Variants in SLC16A10 observed in about 807,000 individuals in gnomAD.
SLC16A10 encodes the protein solute carrier family 16 member 10.
SLC16A10 carries 27 observed loss-of-function variants against 40.0 expected under a neutral mutation model. That is an observed-to-expected ratio of 0.67 (90% CI 0.50 to 0.93). The LOEUF is 0.93. Ranked by LOEUF, SLC16A10 falls within the 40% of genes least tolerant of loss-of-function variation. The pLI is 0.00. For synonymous variants in SLC16A10, 213 were observed against 249.8 expected, an observed-to-expected ratio of 0.85 and a Z score of 1.39; for missense variants, 529 against 658.2, an observed-to-expected ratio of 0.80 and a Z score of 2.15.
intron 1 of SLC16A10, among the ~76,000 whole-genome samples, chr6:111,123,622 A>G (rs1337645983): frequency 1.3e-5 from 2 of 152,150 alleles, no homozygotes; most frequent in Non-Finnish European, 2.9e-5. Context: ...AGGTGACAGT[A>G]TCTTTTGTGT....
intron 1 of SLC16A10, among the ~76,000 whole-genome samples, chr6:111,136,021 T>TGGCATAATA (rs1399611528): frequency 8.5e-4 from 129 of 152,348 alleles, no homozygotes; most frequent in African/African-American, 3.0e-3. Flanking sequence ...GAAGGTTCCT[T>TGGCATAATA]GGCATAATAG....
At chr6:111,144,297 G>A (rs1318266085) in intron 1 of SLC16A10, among the ~76,000 whole-genome samples, 6 of 152,208 alleles carry the variant, frequency 3.9e-5, no homozygotes, top group South Asian at 2.1e-4. Context: ...TCTGCCTCCC[G>A]GGTTCACGCC....
At chr6:111,220,416 G>A (rs1346262072) in intron 5 of SLC16A10, among the ~76,000 whole-genome samples, 1 of 152,202 alleles carries the variant, frequency 6.6e-6, no homozygotes, top group African/African-American at 2.4e-5. Context: ...TTGGGTGCCT[G>A]TGTCAATTAG....
chr6:111,182,811 T>C (rs1772825996), intron 3 of SLC16A10, among the ~76,000 whole-genome samples: 1 of 152,156 alleles, frequency 6.6e-6, no homozygotes, highest in Non-Finnish European at 1.5e-5. Flanking sequence ...CATCCTTGGC[T>C]CTTCTTTCTT....
At chr6:111,164,702 C>G (rs1455329847) in intron 1 of SLC16A10, among the ~76,000 whole-genome samples, 1 of 152,030 alleles carries the variant, frequency 6.6e-6, no homozygotes, top group Non-Finnish European at 1.5e-5. Flanking sequence ...GAGGCAGAGG[C>G]AACCAAGATC....
At chr6:111,156,444 G>GT (rs1316940943) in intron 1 of SLC16A10, among the ~76,000 whole-genome samples, 1 of 152,220 alleles carries the variant, frequency 6.6e-6, no homozygotes, top group African/African-American at 2.4e-5. Context: ...ACTGCACTGT[G>GT]TTTCCTTGAT....
In SLC16A10 at chr6:111,227,335, T is replaced by C. The variant is rs1210084454; in HGVS notation, c.*5100T>C. On this transcript the variant is annotated 3_prime_UTR_variant, in exon 6 of 6. Coordinates refer to ENST00000368851, the MANE Select transcript of SLC16A10 (RefSeq NM_018593.5). ...AGAGATTAATGCTTTGTGTTATAAATATACTATAGAACAATAGGTCACGAT... is the reference window on the plus strand; with the variant it reads ...AGAGATTAATGCTTTGTGTTATAAACATACTATAGAACAATAGGTCACGAT... The C allele has an allele frequency of 6.6e-6, 1 of 152,198 alleles. No homozygotes were observed. The highest frequency in any genetic ancestry group is 1.5e-5 in the Non-Finnish European group (1 of 68,026). 9.4% of individuals were successfully genotyped at this position (152,198 alleles called of 1,614,324 possible).
rs973488715 is a variant in SLC16A10, at chr6:111,222,045, A to G, written c.1358A>G (p.Tyr453Cys). 1 of 1,609,876 alleles carries G rather than the reference A, an allele frequency of 6.2e-7. No homozygotes were observed. Among genetic ancestry groups the G allele is most frequent in the Non-Finnish European group, 8.5e-7 (1 of 1,178,960 alleles). ...DKLGSYDVAFYLAGVPPLIGG... is the reference protein window; with the variant it reads ...DKLGSYDVAFCLAGVPPLIGG... The stretch of plus-strand genomic sequence containing the variant: ...CTGGGCTCCTATGATGTGGCATTCT[A>G]CCTCGCTGGAGTCCCTCCCCTTATT... Residue 453 changes from tyrosine to cysteine, a missense_variant, in exon 6 of 6, where the codon TAC becomes TGC. Coordinates refer to ENST00000368851, the MANE Select transcript of SLC16A10 (RefSeq NM_018593.5).
chr6:111,110,986 G>T, intron 1 of SLC16A10, among the ~76,000 whole-genome samples: 1 of 151,150 alleles, frequency 6.6e-6, no homozygotes, highest in Non-Finnish European at 1.5e-5. Flanking sequence ...TTACCATTCT[G>T]GTAAATTTAC....
At chr6:111,107,836 GATA>G (rs1771311581) in intron 1 of SLC16A10, among the ~76,000 whole-genome samples, 2 of 152,246 alleles carry the variant, frequency 1.3e-5, no homozygotes, top group South Asian at 4.2e-4. Context: ...GCCAAAGAAT[GATA>G]ATATTTGCTT....
At chr6:111,156,738 A>C (rs190114737) in intron 1 of SLC16A10, among the ~76,000 whole-genome samples, 1 of 152,322 alleles carries the variant, frequency 6.6e-6, no homozygotes, top group East Asian at 1.9e-4. Flanking sequence ...AGGAAATCTG[A>C]GTAAAATATA....
At chr6:111,169,769 G>C (rs920997127) in intron 1 of SLC16A10, among the ~76,000 whole-genome samples, 10 of 152,118 alleles carry the variant, frequency 6.6e-5, no homozygotes, top group African/African-American at 2.4e-4. Flanking sequence ...AGGCAGTCAA[G>C]ACAAGAAGCT....
intron 3 of SLC16A10, among the ~76,000 whole-genome samples, chr6:111,183,355 C>T (rs1380423143): frequency 6.6e-6 from 1 of 152,230 alleles, no homozygotes; most frequent in Admixed American, 6.5e-5. Flanking sequence ...TTATTGTAGT[C>T]ATTGCTTACT....
intron 3 of SLC16A10, among the ~76,000 whole-genome samples, chr6:111,205,097 TTGA>T (rs1773233307): frequency 6.6e-6 from 1 of 152,058 alleles, no homozygotes; most frequent in Non-Finnish European, 1.5e-5. Flanking sequence ...GAATAAGGAA[TTGA>T]TGAGATTAAA....
At chr6:111,113,521 G>A (rs569226940) in intron 1 of SLC16A10, among the ~76,000 whole-genome samples, 16 of 152,202 alleles carry the variant, frequency 1.1e-4, no homozygotes, top group African/African-American at 3.9e-4. Context: ...CTAAAACTGG[G>A]GTTTCATTTG....
intron 3 of SLC16A10, among the ~76,000 whole-genome samples, chr6:111,201,216 G>A (rs1043664511): frequency 1.3e-5 from 2 of 152,114 alleles, no homozygotes; most frequent in Non-Finnish European, 2.9e-5. Context: ...CATTATAAAC[G>A]AATACAGATG....
chr6:111,137,630 C>G (rs969907471), intron 1 of SLC16A10, among the ~76,000 whole-genome samples: 4 of 152,222 alleles, frequency 2.6e-5, no homozygotes, highest in Non-Finnish European at 5.9e-5. Context: ...AGGCACCCCT[C>G]CCGAGGAAAT....
At chr6:111,126,567 T>A (rs1771679166) in intron 1 of SLC16A10, among the ~76,000 whole-genome samples, 1 of 152,186 alleles carries the variant, frequency 6.6e-6, no homozygotes, top group African/African-American at 2.4e-5. Context: ...TTCTTTTTGA[T>A]CTAGTTAGAG....
chr6:111,189,631 T>G (rs1772956825), intron 3 of SLC16A10, among the ~76,000 whole-genome samples: 1 of 152,122 alleles, frequency 6.6e-6, no homozygotes, highest in Non-Finnish European at 1.5e-5. Flanking sequence ...CTGGGTAGGC[T>G]TCACAGTCAT....
Sources: allele counts gnomAD v4.1 joint callset (sites outside exome capture counted in the v4.1 genomes callset), GRCh38; gene constraint gnomAD v4.1.1; transcripts MANE v1.5; gene names NCBI Gene and HGNC (gene_info 2026-07-23, HGNC 2026-07-21).